Variants in FAT4 observed in about 807,000 individuals in gnomAD.
FAT4 encodes FAT atypical cadherin 4, also known as protocadherin Fat 4.
FAT4 carries 84 observed loss-of-function variants against 303.9 expected under a neutral mutation model. The observed-to-expected ratio is 0.28, with a 90% confidence interval of 0.23 to 0.33. The LOEUF is 0.33. Among genes scored for constraint, FAT4 ranks in the 10% least tolerant of loss-of-function variants. FAT4 has a pLI of 1.00. For synonymous variants in FAT4, 2,307 were observed against 2,298.8 expected (o/e 1.00, Z -0.10); for missense variants, 6,005 against 6,146.8 (o/e 0.98, Z 0.77).
At chr4:125,443,879 T>C (rs1725741916) in intron 8 of FAT4, among the ~76,000 whole-genome samples, 2 of 152,162 alleles carry the variant, frequency 1.3e-5, no homozygotes, top group East Asian at 3.9e-4. Context: ...ACTGTCGATC[T>C]ACGTACAGAG....
At chr4:125,481,801 C>A in intron 16 of FAT4, 63 bp downstream of exon 16, 1 of 1,381,444 alleles carries the variant, frequency 7.2e-7, no homozygotes, top group South Asian at 1.2e-5. Flanking sequence ...TGGTTTAAAT[C>A]ACTTCCCCCA....
intron 12 of FAT4, among the ~76,000 whole-genome samples, chr4:125,471,938 A>G (rs886685973): frequency 5.7e-5 from 8 of 139,278 alleles, no homozygotes; most frequent in Non-Finnish European, 1.2e-4. Context: ...TTAGCCCGGC[A>G]TAGCGGTGTG....
rs1310962203 is a variant in FAT4 at position 125,491,258 on chromosome 4, GTCT to G, written c.14448_14450del (p.Ser4817del). On this transcript the variant is annotated inframe_deletion, in exon 18 of 18. Coordinates refer to ENST00000394329, the MANE Select transcript of FAT4 (RefSeq NM_001291303.3). ...GTATCTGCAGTGCAGACCATGGGAGGTCTTCTTCAGAGGAGGACTGCAGAAGGC... is the reference window on the plus strand; with the variant it reads ...GTATCTGCAGTGCAGACCATGGGAGGTCTTCAGAGGAGGACTGCAGAAGGC... 6.2e-7 allele frequency: 1 copy of G among 1,614,004 alleles called. No individual in the cohort carries two copies.
intron 10 of FAT4, among the ~76,000 whole-genome samples, chr4:125,462,194 A>C (rs1045495744): frequency 7.9e-5 from 12 of 151,994 alleles, no homozygotes; most frequent in Non-Finnish European, 1.5e-4. Flanking sequence ...TCAGACCAGA[A>C]TAAGTGTGGC....
chr4:125,334,589 T>A (rs1177515189), intron 2 of FAT4, among the ~76,000 whole-genome samples: 1 of 152,176 alleles, frequency 6.6e-6, no homozygotes, highest in Non-Finnish European at 1.5e-5. Context: ...TTTTTAACAA[T>A]TTTGAGATGT....
chr4:125,407,057 A>T lies in FAT4; in HGVS notation c.5485A>T (p.Ile1829Phe). Residue 1829 changes from isoleucine to phenylalanine, a missense_variant, in exon 4 of 18, where the codon ATC becomes TTC. Physicochemically the swap from Ile to Phe is conservative, Grantham distance 21. Coordinates refer to ENST00000394329, the MANE Select transcript of FAT4 (RefSeq NM_001291303.3). ...GLQSSDMRIN[I>F]TVSDVNDHTP... ...TCAGTCCTCGGATATGAGAATTAAT[A>T]TCACTGTCAGTGATGTGAATGACCA... 6.2e-7 allele frequency: 1 copy of T among 1,613,810 alleles called. No individual in the cohort carries two copies. The highest frequency in any genetic ancestry group is 8.5e-7 in the Non-Finnish European group (1 of 1,179,828).
At chr4:125,482,156 T>C (rs138050900) in intron 16 of FAT4, among the ~76,000 whole-genome samples, 4 of 152,292 alleles carry the variant, frequency 2.6e-5, no homozygotes, top group Non-Finnish European at 5.9e-5. Context: ...ATTGACAGGA[T>C]TAGAATAAGG....
chr4:125,337,035 A>G (rs1332842879), intron 2 of FAT4, among the ~76,000 whole-genome samples: 1 of 151,986 alleles, frequency 6.6e-6, no homozygotes, highest in African/African-American at 2.4e-5. Context: ...TTTGTGGTAG[A>G]GCGCCATTTG....
In FAT4 at chr4:125,414,982, G is replaced by A; in HGVS notation, c.6019G>A (p.Asp2007Asn). The change falls in exon 6 of 18, where the codon GAT becomes AAT. Residue 2007 changes from aspartate to asparagine, a missense_variant. Physicochemically the swap from Asp to Asn is conservative, Grantham distance 23 (BLOSUM62 1). Coordinates refer to ENST00000394329, the MANE Select transcript of FAT4 (RefSeq NM_001291303.3). ...TGTACTCAAAGTCCTAAAAGCTTTG[G>A]ATCGGGAAAGTCAGTCCTTCTACAA... ...NGVLKVLKAL[D>N]RESQSFYNLV... 1 of 1,613,940 alleles carries A rather than the reference G, an allele frequency of 6.2e-7. No individual in the cohort carries two copies. The highest frequency in any genetic ancestry group is 8.5e-7 in the Non-Finnish European group (1 of 1,179,898).
rs1267761573 is a variant in FAT4, at chr4:125,317,361, G to T, written c.950G>T (p.Arg317Leu). 1 of 1,613,044 alleles carries T rather than the reference G, an allele frequency of 6.2e-7. No individual in the cohort carries two copies. The highest frequency in any genetic ancestry group is 8.5e-7 in the Non-Finnish European group (1 of 1,179,836). Residue 317 changes from arginine (R) to leucine (L), a missense_variant, in exon 2 of 18, where the codon CGC becomes CTC. By Grantham distance (102) the Arg-to-Leu change is moderately radical. Coordinates refer to ENST00000394329, the MANE Select transcript of FAT4 (RefSeq NM_001291303.3). The surrounding 1 kb of genome is among the most constrained non-coding windows in gnomAD (Gnocchi z 7.0). ...VREPLDFEAR[R>L]QYSLTVQAMD... ...GAGCCCCTGGACTTCGAAGCTCGGC[G>T]CCAATACTCGCTTACGGTGCAGGCG...
chr4:125,379,229 C>T (rs987210893), intron 2 of FAT4, among the ~76,000 whole-genome samples: 14 of 149,038 alleles, frequency 9.4e-5, no homozygotes, highest in African/African-American at 3.2e-4. Context: ...AATTAACATG[C>T]GGAACAATCT....
chr4:125,350,402 C>T (rs953040277), intron 2 of FAT4, among the ~76,000 whole-genome samples: 2 of 151,714 alleles, frequency 1.3e-5, no homozygotes, highest in Non-Finnish European at 2.9e-5. Flanking sequence ...CTTCATCCTA[C>T]TTCACTTAAT....
chr4:125,319,337 C>T lies in FAT4; in HGVS notation c.2926C>T (p.Leu976Phe), dbSNP rs367831459. The T allele has an allele frequency of 8.7e-6, 14 of 1,613,592 alleles. No homozygotes were observed. The African/African-American group carries it at 1.6e-4, about 18-fold the overall frequency. ...GGCATCTGACATGGGTGTCCCACAG[C>T]TCTCCTCTAGTGTCATCTTAACAGT... ...ILASDMGVPQLSSSVILTVYV... is the reference protein window; with the variant it reads ...ILASDMGVPQFSSSVILTVYV... The change falls in exon 2 of 18, where the codon CTC becomes TTC. Residue 976 changes from leucine to phenylalanine, a missense_variant. By Grantham distance (22) the Leu-to-Phe change is conservative. Coordinates refer to ENST00000394329, the MANE Select transcript of FAT4 (RefSeq NM_001291303.3).
rs780082117 is a variant in FAT4 at position 125,415,274 on chromosome 4, G to A, written c.6311G>A (p.Gly2104Asp). ...AAGTTCAGTATTGGGACCATTGATG[G>A]TGAAGTGAGGCTCACTGGAGAACTG... is the stretch of plus-strand genomic sequence containing the variant. ...GNKFSIGTID[G>D]EVRLTGELDR... Residue 2104 changes from glycine to aspartate, a missense_variant, in exon 6 of 18, where the codon GGT becomes GAT. Coordinates refer to ENST00000394329, the MANE Select transcript of FAT4 (RefSeq NM_001291303.3). 11 of 1,613,950 alleles carry A rather than the reference G, an allele frequency of 6.8e-6. No homozygotes were observed. In the East Asian group the frequency reaches 1.3e-4, roughly 20 times the overall value.
Position 125,434,274 on chromosome 4 carries a change from A to G in FAT4, c.7048A>G (p.Ile2350Val). The G allele has an allele frequency of 4.3e-6, 7 of 1,613,872 alleles. No homozygotes were observed. The highest frequency in any genetic ancestry group is 5.9e-6 in the Non-Finnish European group (7 of 1,179,852). The change falls in exon 8 of 18, where the codon ATC becomes GTC. Residue 2350 changes from isoleucine (I) to valine (V), a missense_variant. Ile to Val is a conservative substitution (Grantham distance 29). Transcript: ENST00000394329. ...CCCTGCCTTGACTGGAACTGGAACA[A>G]TCAACGTCATAGTAGATGATGTCAA... Reference protein sequence around the residue: ...GSPALTGTGTINVIVDDVNDN... With the variant: ...GSPALTGTGTVNVIVDDVNDN...
Position 125,449,274 on chromosome 4 carries a change from A to G in FAT4, c.8264A>G (p.Gln2755Arg), listed in dbSNP as rs760919550. ...TCATCAGACAAAGGGTCCCCGTCTC[A>G]GAGTACTTCAGTAAAAGTCATGATT... ...IKSSDKGSPS[Q>R]STSVKVMINI... Residue 2755 changes from glutamine to arginine, a missense_variant, in exon 10 of 18, where the codon CAG becomes CGG. By Grantham distance (43) the Gln-to-Arg change is conservative (BLOSUM62 1). Coordinates refer to ENST00000394329, the MANE Select transcript of FAT4 (RefSeq NM_001291303.3). 1 of 1,613,998 alleles carries G rather than the reference A, an allele frequency of 6.2e-7. No individual in the cohort carries two copies. Among genetic ancestry groups the G allele is most frequent in the Non-Finnish European group, 8.5e-7 (1 of 1,179,914 alleles).
Position 125,316,529 on chromosome 4 carries a change from G to C in FAT4, c.118G>C (p.Val40Leu). 6.2e-7 allele frequency: 1 copy of C among 1,613,976 alleles called. No individual in the cohort carries two copies. Among genetic ancestry groups the C allele is most frequent in the South Asian group, 1.1e-5 (1 of 91,082 alleles). Reference protein sequence around the residue: ...LLSLLPGQAWVHGAEPRQVFQ... With the variant: ...LLSLLPGQAWLHGAEPRQVFQ... ...GTCATTGCTTCCGGGGCAGGCCTGG[G>C]TCCACGGGGCCGAGCCGCGCCAGGT... The change falls in exon 2 of 18, where the codon GTC (valine) becomes CTC (leucine). Residue 40 changes from valine to leucine, a missense_variant. Val to Leu is a conservative substitution (Grantham distance 32). Transcript: ENST00000394329. The surrounding 1 kb of genome is among the most constrained non-coding windows in gnomAD (Gnocchi z 5.7).
At position 125,463,686 on chromosome 4, in the gene FAT4, T is replaced by C. The variant is rs763293750; in HGVS notation, c.11905+19T>C. 4.1e-6 allele frequency: 6 copies of C among 1,472,016 alleles called. No homozygotes were observed. The highest frequency in any genetic ancestry group is 1.4e-5 in the African/African-American group (1 of 71,754). 91.2% of individuals were successfully genotyped at this position (1,472,016 alleles called of 1,614,324 possible). A position where few individuals can be genotyped will look rare whatever the true frequency, so the allele number is the denominator to read the frequency against. ...CCATTTGGTGAGTAAAACTTATTTG[T>C]TGATATAAAATATAAGTTTATTTTT... On this transcript the variant is annotated intron_variant, in intron 11 of 17. Transcript: ENST00000394329.
chr4:125,484,002 T>TTCTCTCTC (rs67727570), intron 16 of FAT4, among the ~76,000 whole-genome samples: 97,147 of 129,500 alleles, frequency 0.75, 36,812 homozygotes, highest in East Asian at 0.86. Flanking sequence ...ATGGTTTGCA[T>TTCTCTCTC]TCTCTCTCTC....
Sources: allele counts gnomAD v4.1 joint callset (sites outside exome capture counted in the v4.1 genomes callset), GRCh38; gene constraint gnomAD v4.1.1; non-coding constraint Gnocchi (gnomAD v3.1); transcripts MANE v1.5; gene names NCBI Gene and HGNC (gene_info 2026-07-23, HGNC 2026-07-21).